Variants in COL11A1 observed in about 807,000 individuals in gnomAD.
COL11A1 encodes collagen alpha-1(XI) chain.
In COL11A1, 74 loss-of-function variants were observed where a neutral mutation model predicts 265.2. The ratio of observed to expected loss-of-function variants is 0.28; its 90% CI spans 0.23 to 0.34. COL11A1 has a LOEUF of 0.34. Ranked by LOEUF, COL11A1 falls within the 10% of genes least tolerant of loss-of-function variation. The pLI is 1.00. For synonymous variants in COL11A1, 816 were observed against 727.6 expected (o/e 1.12, Z -1.96); for missense variants, 2,165 against 2,263.6 (o/e 0.96, Z 0.88).
At chr1:103,098,989 C>T (rs1674016173) in intron 1 of COL11A1, among the ~76,000 whole-genome samples, 2 of 151,694 alleles carry the variant, frequency 1.3e-5, no homozygotes, top group Admixed American at 1.3e-4. Flanking sequence ...ATACACATAG[C>T]TATATATCAC....
At chr1:102,973,389 A>C (rs1300026329) in intron 36 of COL11A1, among the ~76,000 whole-genome samples, 1 of 152,260 alleles carries the variant, frequency 6.6e-6, no homozygotes, top group East Asian at 1.9e-4. Context: ...AAGTCTGATA[A>C]AAAAATGAGT....
chr1:102,962,138 G>A, intron 40 of COL11A1, 38 bp downstream of exon 40: 1 of 1,496,732 alleles, frequency 6.7e-7, no homozygotes, highest in Non-Finnish European at 9.3e-7. Flanking sequence ...ATAAACAATT[G>A]GAATCACTTG....
chr1:102,959,526 T>A (rs1000620060), intron 41 of COL11A1, among the ~76,000 whole-genome samples: 1 of 152,212 alleles, frequency 6.6e-6, no homozygotes, highest in Admixed American at 6.5e-5. Context: ...TAACATTTAT[T>A]GTTTGTATGT....
intron 43 of COL11A1, 110 bp from the exon 44 acceptor site, chr1:102,939,198 T>A: frequency 1.0e-6 from 1 of 971,328 alleles, no homozygotes; most frequent in Non-Finnish European, 1.6e-6. Context: ...TGCTAGTGTG[T>A]AATGTCACTG....
At chr1:103,007,860 C>G (rs1665762621) in intron 15 of COL11A1, among the ~76,000 whole-genome samples, 1 of 89,792 alleles carries the variant, frequency 1.1e-5, no homozygotes, top group Non-Finnish European at 2.1e-5. Context: ...GAGTGAGACT[C>G]TGTCTCAAAA....
Position 102,970,019 on chromosome 1 carries a change from C to G in COL11A1, c.2862+200G>C, listed in dbSNP as rs111771790. ...AAAAACAATCATATCAACTAACATC[C>G]TATTTCCTGAAGTATATTTCTTGTA... On this transcript the variant is annotated intron_variant, in intron 37 of 66. Transcript: ENST00000370096. Among the ~76,000 whole-genome samples the G allele has an allele frequency of 3.7e-3, 568 of 151,852 alleles. 5 individuals carry two copies. Among genetic ancestry groups the G allele is most frequent in the African/African-American group, 0.013 (522 of 41,394 alleles).
At chr1:102,881,905 G>C in intron 64 of COL11A1, 140 bp from the exon 65 acceptor site, 1 of 681,690 alleles carries the variant, frequency 1.5e-6, no homozygotes, top group East Asian at 2.9e-5. Context: ...ACACAAATTA[G>C]ATTATACAAA....
chr1:102,902,879 TA>T (rs928897866), intron 54 of COL11A1, among the ~76,000 whole-genome samples: 5 of 151,176 alleles, frequency 3.3e-5, no homozygotes, highest in East Asian at 3.9e-4. Context: ...TACACACACA[TA>T]TATATATACT....
At chr1:102,992,260 G>T (rs1241757318) in intron 28 of COL11A1, among the ~76,000 whole-genome samples, 1 of 151,824 alleles carries the variant, frequency 6.6e-6, no homozygotes, top group African/African-American at 2.4e-5. Context: ...AAGATTTCTA[G>T]TATTAAAATT....
Position 102,921,498 on chromosome 1 carries a change from A to G in COL11A1, c.3708+20T>C, listed in dbSNP as rs759876823. 2 of 1,595,710 alleles carry G rather than the reference A, an allele frequency of 1.3e-6. No individual in the cohort carries two copies. Among genetic ancestry groups the G allele is most frequent in the Admixed American group, 1.7e-5 (1 of 59,750 alleles). On this transcript the variant is annotated intron_variant, in intron 48 of 66. Transcript: ENST00000370096. ...CCTATATAACTTCAAAATAATTAAC[A>G]TATATTTCAGAGTTCTTACATCAGC...
At chr1:103,025,729 A>G (rs1048520091) in intron 6 of COL11A1, 116 bp from the exon 7 acceptor site, 27 of 1,591,120 alleles carry the variant, frequency 1.7e-5, no homozygotes, top group Non-Finnish European at 2.3e-5. Flanking sequence ...TAGTTGGGTT[A>G]AGACTATGAT....
In COL11A1 at chr1:102,879,700, G is replaced by C; in HGVS notation, c.5257C>G (p.Leu1753Val). The change falls in exon 66 of 67, where the codon CTG becomes GTG. Residue 1753 changes from leucine (L) to valine (V), a missense_variant. Coordinates refer to ENST00000370096, the MANE Select transcript of COL11A1 (RefSeq NM_001854.4). ...SYDNNPFIKT[L>V]YDGCASRKGY... ...ATACTCACCGCACAACCATCATACA[G>C]TGTTTTGATAAAAGGATTATTGTCA... 6.2e-7 allele frequency: 1 copy of C among 1,613,516 alleles called. No homozygotes were observed. Among genetic ancestry groups the C allele is most frequent in the Admixed American group, 1.7e-5 (1 of 59,960 alleles).
At position 103,001,912 on chromosome 1, in the gene COL11A1, C is replaced by A; in HGVS notation, c.2142+13G>T. ...TGTTCACCAGGCTTTACGAGAACAA[C>A]AGAGTAACTTACTTTTTCACCAGGA... On this transcript the variant is annotated intron_variant, in intron 24 of 66. Transcript: ENST00000370096. 6.2e-7 allele frequency: 1 copy of A among 1,612,742 alleles called. No individual in the cohort carries two copies. The highest frequency in any genetic ancestry group is 1.7e-5 in the Admixed American group (1 of 59,990).
chr1:103,091,803 G>A (rs1012685380), intron 1 of COL11A1, among the ~76,000 whole-genome samples: 3 of 151,890 alleles, frequency 2.0e-5, no homozygotes, highest in Non-Finnish European at 2.9e-5. Flanking sequence ...AAAAAACTGC[G>A]TATTTCATAT....
chr1:103,014,157 C>G (rs1366849265), intron 13 of COL11A1, among the ~76,000 whole-genome samples: 1 of 151,714 alleles, frequency 6.6e-6, no homozygotes, highest in African/African-American at 2.4e-5. Context: ...TATAACCAAT[C>G]ATTGACTTAT....
rs1209725959 is a variant in COL11A1, at chr1:102,965,634, A to G, written c.2863-94T>C. On this transcript the variant is annotated intron_variant, in intron 37 of 66. Coordinates refer to ENST00000370096, the MANE Select transcript of COL11A1 (RefSeq NM_001854.4). The stretch of plus-strand genomic sequence containing the variant: ...TAGCTGAATAAGTCACATTAAAAGA[A>G]AGTCACCTATTGACTAAAAATATTT... The G allele has an allele frequency of 3.2e-6, 3 of 950,734 alleles. No homozygotes were observed. The East Asian group carries it at 7.3e-5, about 23-fold the overall frequency. 58.9% of individuals were successfully genotyped at this position (950,734 alleles called of 1,614,324 possible).
chr1:103,073,329 A>G (rs1050161082), intron 4 of COL11A1, among the ~76,000 whole-genome samples: 2 of 151,866 alleles, frequency 1.3e-5, no homozygotes, highest in Admixed American at 1.3e-4. Flanking sequence ...ATAAATTATA[A>G]TTTATTCATA....
chr1:102,979,532 T>G (rs1466996428), intron 31 of COL11A1, 97 bp from the exon 32 acceptor site: 9 of 805,368 alleles, frequency 1.1e-5, no homozygotes, highest in Non-Finnish European at 1.9e-5. Context: ...TTCACACAGC[T>G]GTTAATATTT....
chr1:102,984,452 C>A (rs1570943687), intron 30 of COL11A1, among the ~76,000 whole-genome samples: 1 of 151,910 alleles, frequency 6.6e-6, no homozygotes, highest in Non-Finnish European at 1.5e-5. Context: ...GGTACATGAA[C>A]CCTGAGGTTT....
Sources: gnomAD v4.1 joint callset for allele counts (sites outside exome capture counted in the v4.1 genomes callset) on GRCh38, gnomAD v4.1.1 for gene constraint, MANE v1.5 for transcripts, NCBI Gene and HGNC (gene_info 2026-07-23, HGNC 2026-07-21) for gene names.